YJU2: variants seen among roughly 807,000 people sequenced by gnomAD.
YJU2 encodes the protein splicing factor YJU2.
YJU2 carries 28 observed loss-of-function variants against 39.6 expected under a neutral mutation model. That is an observed-to-expected ratio of 0.71 (90% CI 0.52 to 0.97). The LOEUF (loss-of-function observed/expected upper bound fraction) is 0.97, where lower values mean the gene tolerates loss of function less well. Ranked by LOEUF, YJU2 falls within the 50% of genes least tolerant of loss-of-function variation. The probability of loss-of-function intolerance (pLI) is 0.00; values close to 1 mark genes in which losing one functional copy is unlikely to be tolerated. For missense variants in YJU2, 328 were observed against 430.4 expected (o/e 0.76, Z 2.11); for synonymous variants, 184 against 182.4 (o/e 1.01, Z -0.07).
At chr19:4,260,907 A>G (rs1035443966) in intron 5 of YJU2, among the ~76,000 whole-genome samples, 1 of 152,192 alleles carries the variant, frequency 6.6e-6, no homozygotes, top group Non-Finnish European at 1.5e-5. Context: ...CATCTGGGTG[A>G]GAGAGAAGCC....
chr19:4,264,501 T>A (rs1040566273), intron 6 of YJU2, among the ~76,000 whole-genome samples: 12 of 148,942 alleles, frequency 8.1e-5, no homozygotes, highest in Non-Finnish European at 1.8e-4. Context: ...TTCTTTTTTT[T>A]TTTTTAGACA....
At chr19:4,256,748 T>C (rs1971024749) in intron 4 of YJU2, among the ~76,000 whole-genome samples, 1 of 152,164 alleles carries the variant, frequency 6.6e-6, no homozygotes, top group East Asian at 1.9e-4. Context: ...GCAAACTGGC[T>C]CCCTCTACTG....
intron 3 of YJU2, among the ~76,000 whole-genome samples, chr19:4,253,675 A>G (rs1970996152): frequency 6.6e-6 from 1 of 152,188 alleles, no homozygotes; most frequent in Non-Finnish European, 1.5e-5. Flanking sequence ...CCAGTGTGTA[A>G]TTTAAGATAC....
intron 6 of YJU2, among the ~76,000 whole-genome samples, chr19:4,262,689 G>A (rs1004697734): frequency 2.6e-5 from 4 of 151,926 alleles, no homozygotes; most frequent in African/African-American, 2.4e-5. Context: ...CAGGAGGATC[G>A]CTTGAGGCCG....
Position 4,259,071 on chromosome 19 carries a change from C to CTTTTTTTTTTT in YJU2, c.587+667_587+677dup, listed in dbSNP as rs34728075. Among the ~76,000 whole-genome samples the CTTTTTTTTTTT allele has an allele frequency of 6.6e-5, 6 of 90,262 alleles. 1 individual carries two copies. Among genetic ancestry groups the CTTTTTTTTTTT allele is most frequent in the Admixed American group, 2.4e-4 (2 of 8,322 alleles). The allele number at this position is 90,262 out of a possible 152,430, so 59.2% of individuals were successfully genotyped here. A position where few individuals can be genotyped will look rare whatever the true frequency, so the allele number is the denominator to read the frequency against. Reference sequence around the variant, plus strand: ...TCAGGCCTCCTGGGTGAACACTTTTCTTTTTTTTTTTTTTTTTTTTTTTTT... The same window carrying CTTTTTTTTTTT: ...TCAGGCCTCCTGGGTGAACACTTTTCTTTTTTTTTTTTTTTTTTTTTTTTTTTTTTTTTTTT... On this transcript the variant is annotated intron_variant, in intron 5 of 7. Coordinates refer to ENST00000262962, the MANE Select transcript of YJU2 (RefSeq NM_018074.6).
intron 6 of YJU2, among the ~76,000 whole-genome samples, chr19:4,264,407 A>C: frequency 6.6e-6 from 1 of 151,310 alleles, no homozygotes; most frequent in Non-Finnish European, 1.5e-5. Context: ...TCCTAGGCTC[A>C]AGCAATCCTC....
rs905704886 is a variant in YJU2, at chr19:4,261,294, C to T, written c.588-700C>T. Among the ~76,000 whole-genome samples, 8 of 152,200 alleles carry T rather than the reference C, an allele frequency of 5.3e-5. No homozygotes were observed. In the East Asian group the frequency reaches 7.7e-4, roughly 15 times the overall value. The stretch of plus-strand genomic sequence containing the variant: ...ATAAACCACTCCCAGAATTAGAGAC[C>T]GGCCTGGCCAAGATGGCGAAACCCC... On this transcript the variant is annotated intron_variant, in intron 5 of 7. Coordinates refer to ENST00000262962, the MANE Select transcript of YJU2 (RefSeq NM_018074.6).
chr19:4,251,232 G>A (rs1970974319), intron 3 of YJU2, 61 bp downstream of exon 3: 9 of 1,543,214 alleles, frequency 5.8e-6, no homozygotes, highest in Non-Finnish European at 8.0e-6. Flanking sequence ...ATCAGGGCGG[G>A]CCCTGGGGTT....
At chr19:4,262,712 C>T (rs962842658) in intron 6 of YJU2, among the ~76,000 whole-genome samples, 1 of 151,454 alleles carries the variant, frequency 6.6e-6, no homozygotes, top group African/African-American at 2.4e-5. Flanking sequence ...AGTTTGAGAC[C>T]AGCCTGGGCA....
chr19:4,251,405 A>G (rs142873802), intron 3 of YJU2, among the ~76,000 whole-genome samples: 1 of 152,284 alleles, frequency 6.6e-6, no homozygotes, highest in East Asian at 1.9e-4. Flanking sequence ...ACAAATTAGC[A>G]TGCAGGCTGG....
Position 4,268,790 on chromosome 19 carries a change from G to T in YJU2, c.*94G>T, listed in dbSNP as rs1455126657. On this transcript the variant is annotated 3_prime_UTR_variant, in exon 8 of 8. Coordinates refer to ENST00000262962, the MANE Select transcript of YJU2 (RefSeq NM_018074.6). ...GCTGGTGGTCAGGGCAGGAGGCCTTGGCGTGACTGGAGGCCGGACAGACAA... is the reference window on the plus strand; with the variant it reads ...GCTGGTGGTCAGGGCAGGAGGCCTTTGCGTGACTGGAGGCCGGACAGACAA... 14 of 894,170 alleles carry T rather than the reference G, an allele frequency of 1.6e-5. No homozygotes were observed. Among genetic ancestry groups the T allele is most frequent in the Non-Finnish European group, 1.8e-6 (1 of 566,066 alleles). The allele number at this position is 894,170 out of a possible 1,614,324, so 55.4% of individuals were successfully genotyped here. A position where few individuals can be genotyped will look rare whatever the true frequency, so the allele number is the denominator to read the frequency against.
intron 2 of YJU2, among the ~76,000 whole-genome samples, chr19:4,250,306 T>G (rs1476026524): frequency 1.3e-5 from 2 of 152,066 alleles, no homozygotes; most frequent in Non-Finnish European, 2.9e-5. Context: ...CATTCAACAC[T>G]CATTTATTGG....
chr19:4,254,674 C>T (rs1246325091), intron 4 of YJU2, among the ~76,000 whole-genome samples, 185 bp downstream of exon 4: 1 of 151,766 alleles, frequency 6.6e-6, no homozygotes, highest in Non-Finnish European at 1.5e-5. Flanking sequence ...AATCTCAGCA[C>T]TTTGGGAGGC....
At chr19:4,268,466 C>G (rs1335934549) in intron 7 of YJU2, 118 bp from the exon 8 acceptor site, 7 of 658,446 alleles carry the variant, frequency 1.1e-5, no homozygotes, top group Non-Finnish European at 5.4e-6. Context: ...AAAGGCCAGG[C>G]CATTCACATG....
chr19:4,249,455 C>A, intron 2 of YJU2, 127 bp downstream of exon 2: 1 of 629,400 alleles, frequency 1.6e-6, no homozygotes, highest in Non-Finnish European at 2.8e-6. Context: ...CTGGCTCAGA[C>A]ATTGACCATT....
chr19:4,249,421 AG>A, intron 2 of YJU2, 93 bp downstream of exon 2: 1 of 765,052 alleles, frequency 1.3e-6, no homozygotes, highest in Non-Finnish European at 2.2e-6. Flanking sequence ...TGTTAAGACC[AG>A]ATCACTGGTC....
At chr19:4,250,955 T>A in intron 2 of YJU2, 72 bp from the exon 3 acceptor site, 1 of 1,542,462 alleles carries the variant, frequency 6.5e-7, no homozygotes, top group South Asian at 1.1e-5. Context: ...TCTTGCAGGA[T>A]GCCGCAGGGA....
At chr19:4,250,487 T>C (rs1201525219) in intron 2 of YJU2, among the ~76,000 whole-genome samples, 2 of 151,960 alleles carry the variant, frequency 1.3e-5, no homozygotes, top group African/African-American at 4.8e-5. Context: ...GGGAGGGCTA[T>C]AGGTAGCTGG....
Position 4,269,001 on chromosome 19 carries a change from G to C in YJU2, c.*305G>C. The C allele has an allele frequency of 5.4e-6, 2 of 368,802 alleles. No homozygotes were observed. The highest frequency in any genetic ancestry group is 5.0e-6 in the Non-Finnish European group (1 of 198,258). The allele number at this position is 368,802 out of a possible 1,614,324, so 22.8% of individuals were successfully genotyped here. A position where few individuals can be genotyped will look rare whatever the true frequency, so the allele number is the denominator to read the frequency against. ...ACACTACTTCAGGGTGGCAGTGTTT[G>C]GGGCACTGGGCGAGCCTGCCGGCCT... On this transcript the variant is annotated 3_prime_UTR_variant, in exon 8 of 8. Coordinates refer to ENST00000262962, the MANE Select transcript of YJU2 (RefSeq NM_018074.6).
Sources: gnomAD v4.1 joint callset for allele counts (sites outside exome capture counted in the v4.1 genomes callset) on GRCh38, gnomAD v4.1.1 for gene constraint, MANE v1.5 for transcripts, NCBI Gene and HGNC (gene_info 2026-07-23, HGNC 2026-07-21) for gene names.